CDK20: variants seen among roughly 807,000 people sequenced by gnomAD.
The protein encoded by CDK20 is cyclin-dependent kinase 20.
A neutral mutation model predicts 38.6 loss-of-function variants in CDK20; 40 were observed. The ratio of observed to expected loss-of-function variants is 1.04; its 90% CI spans 0.81 to 1.35. CDK20 has a LOEUF of 1.35. Among genes scored for constraint, CDK20 ranks in the 40% most tolerant of loss-of-function variants. The pLI is 0.00. For missense variants in CDK20, 512 were observed against 452.6 expected (o/e 1.13, Z -1.19); for synonymous variants, 209 against 185.7 (o/e 1.13, Z -1.02).
chr9:87,969,636 C>T (rs1829707914), intron 6 of CDK20, 160 bp downstream of exon 6: 3 of 1,155,144 alleles, frequency 2.6e-6, no homozygotes, highest in South Asian at 2.9e-5. Flanking sequence ...CAAATGACAG[C>T]AGGAAGGAGG....
Position 87,970,524 on chromosome 9 carries a change from A to G in CDK20, c.563+44T>C. ...TCAGAGACCTCAGAGCCTAGCAGAA[A>G]TCCATGAGCCATGTTACCCTTTGAC... On this transcript the variant is annotated intron_variant, in intron 5 of 7. Transcript: ENST00000325303. 3 of 1,567,460 alleles carry G rather than the reference A, an allele frequency of 1.9e-6. No homozygotes were observed. The South Asian group carries it at 3.4e-5, about 18-fold the overall frequency.
Position 87,973,973 on chromosome 9 carries a change from G to C in CDK20, c.138C>G (p.Asn46Lys), listed in dbSNP as rs775836683. ...ALRRLEDGFP[N>K]QALREIKALQ... ...GAGCCTTAATCTCCCGCAGGGCCTG[G>C]TTAGGGAAGCCGTCCTCCAACCGCC... is the stretch of plus-strand genomic sequence containing the variant. The change falls in exon 2 of 8, where the codon AAC becomes AAG. Residue 46 changes from asparagine (N) to lysine (K), a missense_variant. Physicochemically the swap from Asn to Lys is moderately conservative, Grantham distance 94. Transcript: ENST00000325303. The C allele has an allele frequency of 3.1e-6, 5 of 1,614,040 alleles. No homozygotes were observed. Among genetic ancestry groups the C allele is most frequent in the Non-Finnish European group, 4.2e-6 (5 of 1,180,018 alleles).
rs934743029 is a variant in CDK20 at position 87,973,816 on chromosome 9, G to A, written c.189+106C>T. 34 of 1,186,688 alleles carry A rather than the reference G, an allele frequency of 2.9e-5. 2 individuals carry two copies. In the African/African-American group the frequency reaches 4.5e-4, roughly 16 times the overall value. The allele number at this position is 1,186,688 out of a possible 1,614,324, so 73.5% of individuals were successfully genotyped here. ...CAGTGTGTGTGAGTGACAGCGGGAGGAAATCCCTGAAAGCTGGTGAAGGCG... is the reference window on the plus strand; with the variant it reads ...CAGTGTGTGTGAGTGACAGCGGGAGAAAATCCCTGAAAGCTGGTGAAGGCG... On this transcript the variant is annotated intron_variant, in intron 2 of 7. Transcript: ENST00000325303.
In CDK20 at chr9:87,969,563, C is replaced by T. The variant is rs2271992; in HGVS notation, c.688-214G>A. 55,897 of 764,676 alleles carry T rather than the reference C, an allele frequency of 0.073. 2,888 individuals carry two copies. The highest frequency in any genetic ancestry group is 0.18 in the South Asian group (10,076 of 55,678). 47.4% of individuals were successfully genotyped at this position (764,676 alleles called of 1,614,324 possible). On this transcript the variant is annotated intron_variant, in intron 6 of 7. Transcript: ENST00000325303. ...AGATGACGACTCTGTGCACAGCTTG[C>T]TGAGACACTGCACATGTGTGTACTG...
In CDK20 at chr9:87,970,895, G is replaced by A. The variant is rs769499927; in HGVS notation, c.381C>T (p.Asp127=). ...TGATGAGCAGGTTGGCAGGTTTCAG[G>A]TCCTGGGAGTACCAAAAGAAGCATC... ...FCHANNIVHR[D]LKPANLLISA... Residue 127 remains aspartate (D), a splice_region_variant and synonymous_variant, in exon 4 of 8, where the codon GAC becomes GAT. Coordinates refer to ENST00000325303, the MANE Select transcript of CDK20 (RefSeq NM_001039803.3). 29 of 1,614,044 alleles carry A rather than the reference G, an allele frequency of 1.8e-5. No homozygotes were observed. The highest frequency in any genetic ancestry group is 2.4e-5 in the Non-Finnish European group (28 of 1,180,026).
rs147406159 is a variant in CDK20 at position 87,970,618 on chromosome 9, G to A, written c.513C>T (p.Ala171=). ...THQVATRWYR[A]PELLYGARQY... is the part of the protein sequence containing the mutation. ...GGCGGGCACCATACAGGAGCTCGGG[G>A]GCTCGGTACCACCTGCGAGGAAGAG... The change falls in exon 5 of 8, where the codon GCC becomes GCT. Residue 171 remains alanine (A), a synonymous_variant. Coordinates refer to ENST00000325303, the MANE Select transcript of CDK20 (RefSeq NM_001039803.3). 6.2e-7 allele frequency: 1 copy of A among 1,614,074 alleles called. No homozygotes were observed. The highest frequency in any genetic ancestry group is 1.3e-5 in the African/African-American group (1 of 75,022).
intron 7 of CDK20, chr9:87,967,970 GGA>G (rs1351432014): frequency 1.7e-5 from 4 of 236,594 alleles, no homozygotes; most frequent in Non-Finnish European, 3.3e-5. Context: ...GAGGAATCCT[GGA>G]GAGAGGTTGC....
At position 87,969,795 on chromosome 9, in the gene CDK20, C is replaced by T. The variant is rs200962426; in HGVS notation, c.687+1G>A. 7.3e-5 allele frequency: 117 copies of T among 1,613,634 alleles called. No homozygotes were observed. The highest frequency in any genetic ancestry group is 3.7e-5 in the Non-Finnish European group (44 of 1,179,818). The stretch of plus-strand genomic sequence containing the variant: ...CCACCTCACCAAGGGCCCCTACAAA[C>T]CGGCCAGACTTGAGGGTTTGGGGTG... On this transcript the variant is annotated splice_donor_variant, in intron 6 of 7. Transcript: ENST00000325303. LOFTEE classifies it high-confidence loss of function.
At position 87,969,234 on chromosome 9, in the gene CDK20, A is replaced by C; in HGVS notation, c.803T>G (p.Phe268Cys). 2 of 1,614,018 alleles carry C rather than the reference A, an allele frequency of 1.2e-6. No individual in the cohort carries two copies. The highest frequency in any genetic ancestry group is 1.7e-6 in the Non-Finnish European group (2 of 1,179,972). Residue 268 changes from phenylalanine (F) to cysteine (C), a missense_variant, in exon 7 of 8, where the codon TTC becomes TGC. Physicochemically the swap from Phe to Cys is radical, Grantham distance 205. Coordinates refer to ENST00000325303, the MANE Select transcript of CDK20 (RefSeq NM_001039803.3). ...SPQALDLLGQ[F>C]LLYPPHQRIA... The stretch of plus-strand genomic sequence containing the variant: ...GCGCTGGTGAGGAGGGTAGAGAAGG[A>C]ATTGACCCAGCAGATCCAATGCCTG...
In CDK20 at chr9:87,967,672, A is replaced by C. The variant is rs1587613260; in HGVS notation, c.844-13T>G. On this transcript the variant is annotated splice_polypyrimidine_tract_variant and intron_variant, in intron 7 of 7. Coordinates refer to ENST00000325303, the MANE Select transcript of CDK20 (RefSeq NM_001039803.3). ...GATGGAGGAGAGCCTGAGGGTGGCA[A>C]GTAAGGAACAGCAGAAGGAAACTAG... The C allele has an allele frequency of 6.8e-7, 1 of 1,462,576 alleles. No individual in the cohort carries two copies. Among genetic ancestry groups the C allele is most frequent in the South Asian group, 1.5e-5 (1 of 68,876 alleles). 90.6% of individuals were successfully genotyped at this position (1,462,576 alleles called of 1,614,324 possible). A position where few individuals can be genotyped will look rare whatever the true frequency, so the allele number is the denominator to read the frequency against.
Position 87,973,894 on chromosome 9 carries a change from A to G in CDK20, c.189+28T>C, listed in dbSNP as rs368970176. ...GTGGGAACGAGCGACTGAGGGTGAG[A>G]ATACCATGCCCCCCCTCCCCTACTC... is the stretch of plus-strand genomic sequence containing the variant. On this transcript the variant is annotated intron_variant, in intron 2 of 7. Coordinates refer to ENST00000325303, the MANE Select transcript of CDK20 (RefSeq NM_001039803.3). 8 of 1,604,300 alleles carry G rather than the reference A, an allele frequency of 5.0e-6. No individual in the cohort carries two copies. In the South Asian group the frequency reaches 8.8e-5, roughly 18 times the overall value.
chr9:87,969,115 C>T (rs1221565720), intron 7 of CDK20, 79 bp downstream of exon 7: 3 of 1,515,582 alleles, frequency 2.0e-6, no homozygotes, highest in Admixed American at 3.6e-5. Context: ...GTGATGGGGT[C>T]ACATGGCTAC....
Position 87,966,808 on chromosome 9 carries a change from A to AATGAG in CDK20, c.*649_*653dup, listed in dbSNP as rs972532766. The stretch of plus-strand genomic sequence containing the variant: ...TAGACTTCTGTCTCCCTCACTTCTA[A>AATGAG]ATGAGTGCTCAGTGATGTGAAGTAC... On this transcript the variant is annotated 3_prime_UTR_variant, in exon 8 of 8. Transcript: ENST00000325303. The AATGAG allele has an allele frequency of 2.3e-5, 8 of 349,314 alleles. No individual in the cohort carries two copies. The highest frequency in any genetic ancestry group is 7.6e-5 in the Admixed American group (2 of 26,400). The allele number at this position is 349,314 out of a possible 1,614,324, so 21.6% of individuals were successfully genotyped here.
In CDK20 at chr9:87,966,561, G is replaced by T. The variant is rs1428522494; in HGVS notation, c.*901C>A. ...TGCATCTGGTTCCACTTCCTTCCAT[G>T]TATCTTTTATAATCACCTTATCAAA... On this transcript the variant is annotated 3_prime_UTR_variant, in exon 8 of 8. Transcript: ENST00000325303. 6.3e-6 allele frequency: 1 copy of T among 158,666 alleles called. No individual in the cohort carries two copies. Among genetic ancestry groups the T allele is most frequent in the East Asian group, 1.8e-4 (1 of 5,514 alleles). The allele number at this position is 158,666 out of a possible 1,614,324, so 9.8% of individuals were successfully genotyped here. A position where few individuals can be genotyped will look rare whatever the true frequency, so the allele number is the denominator to read the frequency against.
chr9:87,974,175 C>T, intron 1 of CDK20, 140 bp from the exon 2 acceptor site: 3 of 1,446,774 alleles, frequency 2.1e-6, no homozygotes, highest in South Asian at 1.3e-5. Flanking sequence ...TAGGACTAGC[C>T]TGGGACCCAG....
intron 7 of CDK20, chr9:87,968,871 A>C (rs941710577): frequency 2.9e-6 from 1 of 343,024 alleles, no homozygotes; most frequent in African/African-American, 2.1e-5. Context: ...GTCCCCAGTG[A>C]CTCTCTTACT....
chr9:87,970,559 G>A lies in CDK20; in HGVS notation c.563+9C>T. 1 of 1,612,376 alleles carries A rather than the reference G, an allele frequency of 6.2e-7. No homozygotes were observed. Among genetic ancestry groups the A allele is most frequent in the African/African-American group, 1.3e-5 (1 of 74,990 alleles). On this transcript the variant is annotated intron_variant, in intron 5 of 7. Coordinates refer to ENST00000325303, the MANE Select transcript of CDK20 (RefSeq NM_001039803.3). ...CATGTTACCCTTTGACCACCCACAG[G>A]GGTCTCACCACAGATCGACGCCCTG... is the stretch of plus-strand genomic sequence containing the variant.
At chr9:87,969,381 A>AGGG (rs747595622) in intron 6 of CDK20, 32 bp from the exon 7 acceptor site, 1 of 1,609,636 alleles carries the variant, frequency 6.2e-7, no homozygotes, top group Non-Finnish European at 8.5e-7. Flanking sequence ...GGGTACAATG[A>AGGG]GAGTAGTTCC....
Position 87,967,615 on chromosome 9 carries a change from A to G in CDK20, c.888T>C (p.His296=), listed in dbSNP as rs1459019747. 16 of 1,509,142 alleles carry G rather than the reference A, an allele frequency of 1.1e-5. No homozygotes were observed. Among genetic ancestry groups the G allele is most frequent in the Non-Finnish European group, 1.3e-5 (15 of 1,124,002 alleles). The allele number at this position is 1,509,142 out of a possible 1,614,324, so 93.5% of individuals were successfully genotyped here. A position where few individuals can be genotyped will look rare whatever the true frequency, so the allele number is the denominator to read the frequency against. Residue 296 remains histidine, a synonymous_variant, in exon 8 of 8, where the codon CAT becomes CAC. Coordinates refer to ENST00000325303, the MANE Select transcript of CDK20 (RefSeq NM_001039803.3). The part of the protein sequence containing the change: ...QYFFTAPLPA[H]PSELPIPQRL... ...GCTGAGGAATCGGCAGCTCAGATGG[A>G]TGGGCAGGCAGGGGAGCTGTGAAGA...
Sources: gnomAD v4.1 joint callset for allele counts on GRCh38, gnomAD v4.1.1 for gene constraint, MANE v1.5 for transcripts, NCBI Gene and HGNC (gene_info 2026-07-23, HGNC 2026-07-21) for gene names.